Variants in SCAMP5 observed in about 807,000 individuals in gnomAD.
SCAMP5 encodes the protein secretory carrier-associated membrane protein 5.
SCAMP5 carries 7 observed loss-of-function variants against 28.3 expected under a neutral mutation model. The ratio of observed to expected loss-of-function variants is 0.25; its 90% CI spans 0.14 to 0.46. The LOEUF is 0.46. SCAMP5 is among the 20% of genes least tolerant of loss of function. SCAMP5 has a pLI of 0.99. For missense variants in SCAMP5, 192 were observed against 312.5 expected (o/e 0.61, Z 2.91); for synonymous variants, 117 against 116.4 (o/e 1.00, Z -0.03).
intron 2 of SCAMP5, 122 bp from the exon 3 acceptor site, chr15:75,012,555 G>T: frequency 8.4e-7 from 1 of 1,189,052 alleles, no homozygotes; most frequent in East Asian, 2.3e-5. Flanking sequence ...GCTGGGTGGG[G>T]AAAGCAGAGT....
rs768510982 is a variant in SCAMP5, at chr15:75,008,501, CTTTT to C, written c.-48-3278_-48-3275del. Among the ~76,000 whole-genome samples the C allele has an allele frequency of 2.1e-3, 277 of 131,000 alleles. 1 individual carries two copies. The highest frequency in any genetic ancestry group is 7.6e-3 in the African/African-American group (272 of 35,864). 85.9% of individuals were successfully genotyped at this position (131,000 alleles called of 152,430 possible). On this transcript the variant is annotated intron_variant, in intron 1 of 6. Transcript: ENST00000425597. ...GCAGTTTACTGAGCTCATCTTTATTCTTTTTTTTTTTTTTTTGAGACATGGTTTC... is the reference window on the plus strand; with the variant it reads ...GCAGTTTACTGAGCTCATCTTTATTCTTTTTTTTTTTTGAGACATGGTTTC...
In SCAMP5 at chr15:75,020,275, G is replaced by A; in HGVS notation, c.*1292G>A. 1 of 153,162 alleles carries A rather than the reference G, an allele frequency of 6.5e-6. No individual in the cohort carries two copies. Among genetic ancestry groups the A allele is most frequent in the Non-Finnish European group, 1.5e-5 (1 of 68,482 alleles). The allele number at this position is 153,162 out of a possible 1,614,324, so 9.5% of individuals were successfully genotyped here. On this transcript the variant is annotated 3_prime_UTR_variant, in exon 7 of 7. Coordinates refer to ENST00000425597, the MANE Select transcript of SCAMP5 (RefSeq NM_138967.4). ...GGCTAGGCACGGAGGGAAGGTCAGA[G>A]GAGAAGGCAGGCAGGGCCCAGTGAG...
At chr15:75,016,820 T>G in intron 4 of SCAMP5, 71 bp downstream of exon 4, 1 of 1,332,312 alleles carries the variant, frequency 7.5e-7, no homozygotes, top group Non-Finnish European at 1.0e-6. Context: ...TCCATATCTT[T>G]TCTCACTTCT....
rs2065876034 is a variant in SCAMP5, at chr15:75,018,338, G to GA, written c.396-79dup. Reference sequence around the variant, plus strand: ...TGATATGTTTCCTCCCTGTGGCAATGAGACGGTCCCTTCCTCTAGCGGGGG... The same window carrying GA: ...TGATATGTTTCCTCCCTGTGGCAATGAAGACGGTCCCTTCCTCTAGCGGGGG... On this transcript the variant is annotated intron_variant, in intron 5 of 6. Coordinates refer to ENST00000425597, the MANE Select transcript of SCAMP5 (RefSeq NM_138967.4). The surrounding 1 kb of genome is among the most constrained non-coding windows in gnomAD (Gnocchi z 5.6). 1.2e-6 allele frequency: 1 copy of GA among 854,944 alleles called. No homozygotes were observed. Among genetic ancestry groups the GA allele is most frequent in the Admixed American group, 1.7e-5 (1 of 58,900 alleles). The allele number at this position is 854,944 out of a possible 1,614,324, so 53.0% of individuals were successfully genotyped here. A position where few individuals can be genotyped will look rare whatever the true frequency, so the allele number is the denominator to read the frequency against.
rs1318734429 is a variant in SCAMP5 at position 75,021,229 on chromosome 15, G to T, written c.*2246G>T. The T allele has an allele frequency of 6.6e-6, 1 of 152,352 alleles. No homozygotes were observed. The highest frequency in any genetic ancestry group is 2.4e-5 in the African/African-American group (1 of 41,452). The allele number at this position is 152,352 out of a possible 1,614,324, so 9.4% of individuals were successfully genotyped here. On this transcript the variant is annotated 3_prime_UTR_variant, in exon 7 of 7. Transcript: ENST00000425597. ...GGATGCTGCATCTCCAGGCAACTAT[G>T]CACTTTCCCGGGGAGAGAACCAGTA... is the stretch of plus-strand genomic sequence containing the variant.
chr15:75,016,727 C>T lies in SCAMP5; in HGVS notation c.271C>T (p.Arg91Trp), dbSNP rs747966691. The change falls in exon 4 of 7, where the codon CGG (arginine) becomes TGG (tryptophan). Residue 91 changes from arginine (R) to tryptophan (W), a missense_variant. Transcript: ENST00000425597. ...ACCCTGCTCCTACGTCTGCTGGTTT[C>T]GGCCCATTTACAAGGCCTTCAAGTA... ...FTPCSYVCWFRPIYKAFKTDS... is the reference protein window; with the variant it reads ...FTPCSYVCWFWPIYKAFKTDS... 6.8e-6 allele frequency: 11 copies of T among 1,613,658 alleles called. No homozygotes were observed. Among genetic ancestry groups the T allele is most frequent in the Middle Eastern group, 1.6e-4 (1 of 6,082 alleles).
chr15:75,006,666 T>C lies in SCAMP5; in HGVS notation c.-48-5126T>C, dbSNP rs867546158. ...TTCGCCAGGTGTGGTGGCGGGCACC[T>C]GTAGTCCCAGCTACTGGGGAGGCTG... On this transcript the variant is annotated intron_variant, in intron 1 of 6. Coordinates refer to ENST00000425597, the MANE Select transcript of SCAMP5 (RefSeq NM_138967.4). 2.0e-5 allele frequency among the ~76,000 whole-genome samples: 3 copies of C among 152,030 alleles called. No homozygotes were observed. In the South Asian group the frequency reaches 6.2e-4, roughly 32 times the overall value.
intron 1 of SCAMP5, among the ~76,000 whole-genome samples, chr15:75,005,284 G>T (rs1300282345): frequency 6.6e-6 from 1 of 151,880 alleles, no homozygotes; most frequent in African/African-American, 2.4e-5. Flanking sequence ...CCAACATGGA[G>T]AAACGCCATC....
At chr15:75,006,169 T>C (rs1317108689) in intron 1 of SCAMP5, among the ~76,000 whole-genome samples, 3 of 151,160 alleles carry the variant, frequency 2.0e-5, no homozygotes, top group African/African-American at 4.9e-5. Context: ...AGTTAATTTT[T>C]TGTATTTTTA....
intron 2 of SCAMP5, 148 bp from the exon 3 acceptor site, chr15:75,012,529 C>A: frequency 1.2e-6 from 1 of 835,946 alleles, no homozygotes; most frequent in Non-Finnish European, 1.9e-6. Flanking sequence ...ACAGCTGACC[C>A]GGGGAGGTAG....
chr15:75,012,139 C>T (rs1406341840), intron 2 of SCAMP5, among the ~76,000 whole-genome samples: 1 of 152,204 alleles, frequency 6.6e-6, no homozygotes, highest in Non-Finnish European at 1.5e-5. Flanking sequence ...CCCTCCTCCC[C>T]TCTGTCTCTA....
At chr15:75,001,167 G>T (rs1327973044) in intron 1 of SCAMP5, among the ~76,000 whole-genome samples, 1 of 151,526 alleles carries the variant, frequency 6.6e-6, no homozygotes, top group African/African-American at 2.4e-5. Flanking sequence ...CCAGCTACTC[G>T]GGAGGCTGAG....
chr15:74,999,355 C>T (rs2065680929), intron 1 of SCAMP5, among the ~76,000 whole-genome samples: 1 of 152,194 alleles, frequency 6.6e-6, no homozygotes. Flanking sequence ...CAGTCTCAGC[C>T]ATCCCTTCAT....
intron 1 of SCAMP5, among the ~76,000 whole-genome samples, chr15:75,000,639 C>T (rs1431630486): frequency 1.3e-5 from 2 of 151,476 alleles, no homozygotes; most frequent in Non-Finnish European, 2.9e-5. Flanking sequence ...CCACCTCGGC[C>T]TCCCAGAGTG....
At chr15:75,006,661 G>A (rs754816648) in intron 1 of SCAMP5, among the ~76,000 whole-genome samples, 79 of 152,012 alleles carry the variant, frequency 5.2e-4, no homozygotes, top group Non-Finnish European at 1.1e-3. Flanking sequence ...GTGGTGGCGG[G>A]CACCTGTAGT....
chr15:75,016,739 A>G lies in SCAMP5; in HGVS notation c.283A>G (p.Lys95Glu), dbSNP rs772226802. The G allele has an allele frequency of 2.9e-5, 46 of 1,612,592 alleles. No homozygotes were observed. The highest frequency in any genetic ancestry group is 3.4e-5 in the Non-Finnish European group (40 of 1,179,492). ...CGTCTGCTGGTTTCGGCCCATTTAC[A>G]AGGCCTTCAAGTAAGTGGTTGGTGC... is the stretch of plus-strand genomic sequence containing the variant. ...SYVCWFRPIYKAFKTDSSFSF... is the reference protein window; with the variant it reads ...SYVCWFRPIYEAFKTDSSFSF... Residue 95 changes from lysine to glutamate, a missense_variant, in exon 4 of 7, where the codon AAG becomes GAG. Coordinates refer to ENST00000425597, the MANE Select transcript of SCAMP5 (RefSeq NM_138967.4).
chr15:75,017,977 A>G lies in SCAMP5; in HGVS notation c.395+6A>G. On this transcript the variant is annotated splice_donor_region_variant and intron_variant, in intron 5 of 6. Coordinates refer to ENST00000425597, the MANE Select transcript of SCAMP5 (RefSeq NM_138967.4). ...ATCCCAGGCTGGGGCGTCTGGTAAG[A>G]GGCAGGGGTGTGGCCTGGGGCTGGC... 6.3e-7 allele frequency: 1 copy of G among 1,595,464 alleles called. No homozygotes were observed.
intron 1 of SCAMP5, among the ~76,000 whole-genome samples, chr15:75,003,450 C>T (rs2141429910): frequency 6.6e-6 from 1 of 152,154 alleles, no homozygotes; most frequent in South Asian, 2.1e-4. Context: ...TTGTCAAATA[C>T]AGATATGTAT....
At position 75,018,070 on chromosome 15, in the gene SCAMP5, G is replaced by A; in HGVS notation, c.395+99G>A. ...CTAAGCTGTCTAGCCTATGGGGCCTGAGTGATGGGTTGTTGGGAGAGTGAG... is the reference window on the plus strand; with the variant it reads ...CTAAGCTGTCTAGCCTATGGGGCCTAAGTGATGGGTTGTTGGGAGAGTGAG... On this transcript the variant is annotated intron_variant, in intron 5 of 6. Coordinates refer to ENST00000425597, the MANE Select transcript of SCAMP5 (RefSeq NM_138967.4). This position sits in a 1 kb window ranked among gnomAD's most constrained non-coding sequence, Gnocchi z 5.6. The A allele has an allele frequency of 1.3e-6, 1 of 745,896 alleles. No homozygotes were observed. Among genetic ancestry groups the A allele is most frequent in the Non-Finnish European group, 2.3e-6 (1 of 426,940 alleles). The allele number at this position is 745,896 out of a possible 1,614,324, so 46.2% of individuals were successfully genotyped here.
Sources: gnomAD v4.1 joint callset for allele counts (sites outside exome capture counted in the v4.1 genomes callset) on GRCh38, gnomAD v4.1.1 for gene constraint, Gnocchi (gnomAD v3.1) non-coding constraint, MANE v1.5 for transcripts, NCBI Gene and HGNC (gene_info 2026-07-23, HGNC 2026-07-21) for gene names.